DCLK3: variants seen among roughly 807,000 people sequenced by gnomAD.
DCLK3 encodes serine/threonine-protein kinase DCLK3.
In DCLK3, 30 loss-of-function variants were observed where a neutral mutation model predicts 46.4. That is an observed-to-expected ratio of 0.65 (90% CI 0.48 to 0.88). The LOEUF is 0.88. Among genes scored for constraint, DCLK3 ranks in the 40% least tolerant of loss-of-function variants. The pLI is 0.00. For missense variants in DCLK3, 846 were observed against 907.1 expected, an observed-to-expected ratio of 0.93 and a Z score of 0.87; for synonymous variants, 401 against 339.2, an observed-to-expected ratio of 1.18 and a Z score of -2.00.
intron 1 of DCLK3, among the ~76,000 whole-genome samples, chr3:36,745,016 A>G (rs1701381401): frequency 6.6e-6 from 1 of 152,200 alleles, no homozygotes. Context: ...AATTCAGATA[A>G]AGTAACATAA....
chr3:36,725,326 C>T (rs891474931), intron 2 of DCLK3, among the ~76,000 whole-genome samples: 36 of 137,656 alleles, frequency 2.6e-4, no homozygotes, highest in African/African-American at 8.3e-4. Context: ...AAAAAAAAAA[C>T]GGGGGGTGGG....
chr3:36,737,411 A>G lies in DCLK3; in HGVS notation c.1756T>C (p.Leu586=), dbSNP rs762763566. ...QSLSHPNIVK[L]HEVYETDMEI... ...ATGTCTGTTTCGTAGACTTCATGCAATTTCACGATGTTGGGGTGAGAGAGG... is the reference window on the plus strand; with the variant it reads ...ATGTCTGTTTCGTAGACTTCATGCAGTTTCACGATGTTGGGGTGAGAGAGG... Residue 586 remains leucine (L), a synonymous_variant, in exon 2 of 5, where the codon TTG becomes CTG. Transcript: ENST00000636136. The surrounding 1 kb of genome is among the most constrained non-coding windows in gnomAD (Gnocchi z 4.4). 2.5e-6 allele frequency: 4 copies of G among 1,614,016 alleles called. No individual in the cohort carries two copies. Among genetic ancestry groups the G allele is most frequent in the Non-Finnish European group, 3.4e-6 (4 of 1,180,046 alleles).
intron 1 of DCLK3, among the ~76,000 whole-genome samples, chr3:36,762,664 T>C (rs908788826): frequency 6.6e-6 from 1 of 152,086 alleles, no homozygotes; most frequent in Non-Finnish European, 1.5e-5. Context: ...CCTACAAACA[T>C]AGGCTCTGCC....
At chr3:36,756,559 G>T (rs1368057035) in intron 1 of DCLK3, among the ~76,000 whole-genome samples, 1 of 152,168 alleles carries the variant, frequency 6.6e-6, no homozygotes, top group Non-Finnish European at 1.5e-5. Context: ...CAAGCTCCAG[G>T]GGACTTTGGT....
chr3:36,738,148 A>T lies in DCLK3; in HGVS notation c.1019T>A (p.Met340Lys). 1 of 1,613,908 alleles carries T rather than the reference A, an allele frequency of 6.2e-7. No individual in the cohort carries two copies. The highest frequency in any genetic ancestry group is 8.5e-7 in the Non-Finnish European group (1 of 1,179,970). ...TSELDMGKGP[M>K]YDVEKLVRTR... ...CCTCACCAGCTTCTCCACATCATACATTGGGCCCTTCCCCATATCCAGCTC... is the reference window on the plus strand; with the variant it reads ...CCTCACCAGCTTCTCCACATCATACTTTGGGCCCTTCCCCATATCCAGCTC... Residue 340 changes from methionine (M) to lysine (K), a missense_variant, in exon 2 of 5, where the codon ATG becomes AAG. Around this residue, in one of 3 missense-constraint regions of DCLK3, gnomAD observed 553 missense variants for 543.0 expected, o/e 1.02. Coordinates refer to ENST00000636136, the MANE Select transcript of DCLK3 (RefSeq NM_001394672.2).
chr3:36,722,283 T>G (rs1440380633), intron 2 of DCLK3, among the ~76,000 whole-genome samples: 1 of 152,182 alleles, frequency 6.6e-6, no homozygotes, highest in Non-Finnish European at 1.5e-5. Flanking sequence ...GACCTATTAT[T>G]TGATAGAAAA....
intron 1 of DCLK3, among the ~76,000 whole-genome samples, chr3:36,753,969 G>A (rs1467363775): frequency 2.6e-5 from 4 of 152,228 alleles, no homozygotes; most frequent in South Asian, 2.1e-4. Flanking sequence ...TGTGAGTCAC[G>A]ATGCCCAGCC....
rs1456090244 is a variant in DCLK3 at position 36,734,251 on chromosome 3, C to T, written c.1959+2957G>A. Among the ~76,000 whole-genome samples the T allele has an allele frequency of 3.9e-5, 6 of 152,234 alleles. No individual in the cohort carries two copies. The East Asian group carries it at 1.2e-3, about 29-fold the overall frequency. On this transcript the variant is annotated intron_variant, in intron 2 of 4. Coordinates refer to ENST00000636136, the MANE Select transcript of DCLK3 (RefSeq NM_001394672.2). Reference sequence around the variant, plus strand: ...GTCAACTGTCAATCCAACATTATCTCTACCTCTGTCTGAAAAACCAAAAAG... The same window carrying T: ...GTCAACTGTCAATCCAACATTATCTTTACCTCTGTCTGAAAAACCAAAAAG...
In DCLK3 at chr3:36,737,498, C is replaced by A; in HGVS notation, c.1669G>T (p.Asp557Tyr). ...TRQAYAMKIIDKSRLKGKEDM... is the reference protein window; with the variant it reads ...TRQAYAMKIIYKSRLKGKEDM... Reference sequence around the variant, plus strand: ...TCCTTGCCCTTGAGTCTGGACTTGTCAATGATCTTCATCGCATAGGCCTGC... The same window carrying A: ...TCCTTGCCCTTGAGTCTGGACTTGTAAATGATCTTCATCGCATAGGCCTGC... The change falls in exon 2 of 5, where the codon GAC (aspartate) becomes TAC (tyrosine). Residue 557 changes from aspartate (D) to tyrosine (Y), a missense_variant. Coordinates refer to ENST00000636136, the MANE Select transcript of DCLK3 (RefSeq NM_001394672.2). This position sits in a 1 kb window ranked among gnomAD's most constrained non-coding sequence, Gnocchi z 4.4. 6.2e-7 allele frequency: 1 copy of A among 1,614,200 alleles called. No homozygotes were observed. Among genetic ancestry groups the A allele is most frequent in the Non-Finnish European group, 8.5e-7 (1 of 1,180,040 alleles).
At chr3:36,724,810 C>T (rs1362631508) in intron 2 of DCLK3, among the ~76,000 whole-genome samples, 1 of 152,008 alleles carries the variant, frequency 6.6e-6, no homozygotes, top group Non-Finnish European at 1.5e-5. Context: ...CTAATACATA[C>T]CCACAAAAAT....
At chr3:36,720,483 T>C (rs1450926728) in intron 3 of DCLK3, among the ~76,000 whole-genome samples, 1 of 150,830 alleles carries the variant, frequency 6.6e-6, no homozygotes, top group East Asian at 1.9e-4. Flanking sequence ...CCTGACCTCA[T>C]GCATGTTGTC....
chr3:36,729,248 TGGGGGG>T, intron 2 of DCLK3, among the ~76,000 whole-genome samples: 1 of 92,706 alleles, frequency 1.1e-5, no homozygotes, highest in African/African-American at 4.1e-5. Context: ...TGTGTGTGTG[TGGGGGG>T]GGGGGGTACA....
intron 1 of DCLK3, among the ~76,000 whole-genome samples, chr3:36,749,425 A>G (rs1312788039): frequency 6.6e-6 from 1 of 152,210 alleles, no homozygotes; most frequent in East Asian, 1.9e-4. Context: ...ACACTAGGCT[A>G]GACAGACCCT....
At chr3:36,753,679 T>G (rs144369327) in intron 1 of DCLK3, among the ~76,000 whole-genome samples, 1 of 152,252 alleles carries the variant, frequency 6.6e-6, no homozygotes, top group East Asian at 1.9e-4. Context: ...TTTATTTTAT[T>G]TATTTATTTA....
intron 4 of DCLK3, 124 bp downstream of exon 4, chr3:36,717,886 T>C: frequency 7.8e-7 from 1 of 1,289,622 alleles, no homozygotes; most frequent in Non-Finnish European, 1.1e-6. Flanking sequence ...ACTGAGGAAG[T>C]AAAGGCTGAG....
chr3:36,740,018 A>G (rs1387515389), intron 1 of DCLK3, among the ~76,000 whole-genome samples: 2 of 152,072 alleles, frequency 1.3e-5, no homozygotes, highest in African/African-American at 4.8e-5. Context: ...AAGGTGGAGC[A>G]GTATGCGAAG....
intron 4 of DCLK3, 54 bp from the exon 5 acceptor site, chr3:36,715,575 T>G: frequency 6.7e-7 from 1 of 1,500,140 alleles, no homozygotes; most frequent in Non-Finnish European, 8.9e-7. Flanking sequence ...TTCTGAATTT[T>G]TCTTCCCCAC....
In DCLK3 at chr3:36,736,497, C is replaced by T. The variant is rs191307668; in HGVS notation, c.1959+711G>A. On this transcript the variant is annotated intron_variant, in intron 2 of 4. Transcript: ENST00000636136. ...GTTGTGATCTGTGAAATTGCTTATG[C>T]TCAACAGAAGAATGGCATAGCTGAG... Among the ~76,000 whole-genome samples, 177 of 152,264 alleles carry T rather than the reference C, an allele frequency of 1.2e-3. 1 individual carries two copies. Among genetic ancestry groups the T allele is most frequent in the Non-Finnish European group, 1.9e-4 (13 of 68,024 alleles).
intron 4 of DCLK3, 58 bp from the exon 5 acceptor site, chr3:36,715,579 T>C: frequency 1.3e-6 from 2 of 1,494,242 alleles, no homozygotes; most frequent in Non-Finnish European, 1.8e-6. Flanking sequence ...GAATTTTTCT[T>C]CCCCACACAT....
Sources: allele counts gnomAD v4.1 joint callset (sites outside exome capture counted in the v4.1 genomes callset), GRCh38; gene constraint gnomAD v4.1.1; regional missense constraint gnomAD v4.1.1; non-coding constraint Gnocchi (gnomAD v3.1); transcripts MANE v1.5; gene names NCBI Gene and HGNC (gene_info 2026-07-23, HGNC 2026-07-21).